Variants in YIPF6 observed in about 807,000 individuals in gnomAD.
The protein encoded by YIPF6 is protein YIPF6.
A neutral mutation model predicts 16.8 loss-of-function variants in YIPF6; 3 were observed. That is an observed-to-expected ratio of 0.18 (90% CI 0.08 to 0.46). YIPF6 has a LOEUF of 0.46. Among genes scored for constraint, YIPF6 ranks in the 20% least tolerant of loss-of-function variants. The probability of loss-of-function intolerance (pLI) is 0.98; values close to 1 mark genes in which losing one functional copy is unlikely to be tolerated. For missense variants in YIPF6, 145 were observed against 184.9 expected (o/e 0.78, Z 1.25); for synonymous variants, 67 against 61.9 (o/e 1.08, Z -0.38).
At chrX:68,501,652 C>T (rs909930608) in intron 1 of YIPF6, among the ~76,000 whole-genome samples, 11 of 111,560 alleles carry the variant, frequency 9.9e-5, no homozygotes, top group Admixed American at 2.9e-4. Context: ...TATATAGAAG[C>T]GCAGACTTAT....
intron 3 of YIPF6, among the ~76,000 whole-genome samples, 154 bp from the exon 4 acceptor site, chrX:68,518,616 G>C (rs920731231): frequency 9.0e-6 from 1 of 111,634 alleles, no homozygotes; most frequent in African/African-American, 3.3e-5. Flanking sequence ...TTCAGGATTA[G>C]GGGACAGGGA....
At chrX:68,504,977 G>A (rs2079054256) in intron 1 of YIPF6, among the ~76,000 whole-genome samples, 1 of 111,981 alleles carries the variant, frequency 8.9e-6, no homozygotes, top group African/African-American at 3.2e-5. Flanking sequence ...ATCCCTGTTT[G>A]ACTTTAAAGC....
intron 4 of YIPF6, among the ~76,000 whole-genome samples, chrX:68,520,061 T>C (rs756756230): frequency 1.8e-5 from 2 of 112,192 alleles, no homozygotes; most frequent in Admixed American, 9.5e-5. Flanking sequence ...TAATATTCTT[T>C]CCATCATACC....
At chrX:68,512,888 T>A (rs934125074) in intron 2 of YIPF6, among the ~76,000 whole-genome samples, 1 of 109,507 alleles carries the variant, frequency 9.1e-6, no homozygotes, top group Non-Finnish European at 1.9e-5. Flanking sequence ...AAATTGGGAA[T>A]GTTAAAAATT....
chrX:68,530,964 C>T lies in YIPF6; in HGVS notation c.593-917C>T, dbSNP rs186281777. ...TTTTCTTTAAAGAGATGGGGTTTCACTCTGTCATTCAGTCTGGAGTGGAAT... is the reference window on the plus strand; with the variant it reads ...TTTTCTTTAAAGAGATGGGGTTTCATTCTGTCATTCAGTCTGGAGTGGAAT... On this transcript the variant is annotated intron_variant, in intron 6 of 6. Transcript: ENST00000462683. 1.6e-4 allele frequency among the ~76,000 whole-genome samples: 18 copies of T among 111,397 alleles called. No individual in the cohort carries two copies. The East Asian group carries it at 5.1e-3, about 32-fold the overall frequency.
At chrX:68,518,427 G>T (rs2079112753) in intron 3 of YIPF6, among the ~76,000 whole-genome samples, 1 of 111,833 alleles carries the variant, frequency 8.9e-6, no homozygotes. Context: ...CTGGTAAAGT[G>T]CCTTGGCTAT....
chrX:68,532,606 A>AG lies in YIPF6; in HGVS notation c.*607_*608insG, dbSNP rs986360355. ...GAAATTCTACACTTGTTGCAAAAAA[A>AG]AAAAAAAAAAAAGCAAAGGGCCTCT... On this transcript the variant is annotated 3_prime_UTR_variant, in exon 7 of 7. Coordinates refer to ENST00000462683, the MANE Select transcript of YIPF6 (RefSeq NM_173834.4). 2.1e-4 allele frequency: 23 copies of AG among 109,724 alleles called. No individual in the cohort carries two copies. Among genetic ancestry groups the AG allele is most frequent in the African/African-American group, 7.3e-4 (22 of 30,280 alleles). 9.0% of individuals were successfully genotyped at this position (109,724 alleles called of 1,213,427 possible). A position where few individuals can be genotyped will look rare whatever the true frequency, so the allele number is the denominator to read the frequency against.
intron 4 of YIPF6, among the ~76,000 whole-genome samples, chrX:68,519,787 T>C (rs1218191911): frequency 8.9e-6 from 1 of 112,047 alleles, no homozygotes; most frequent in African/African-American, 3.2e-5. Context: ...ATTGAGCATA[T>C]ATTAATTTAG....
chrX:68,523,354 A>G (rs1332673790), intron 6 of YIPF6, among the ~76,000 whole-genome samples: 2 of 112,069 alleles, frequency 1.8e-5, no homozygotes, highest in African/African-American at 6.5e-5. Flanking sequence ...AGCAACTCTA[A>G]TAGAGAAATA....
chrX:68,509,836 C>T (rs2079073426), intron 1 of YIPF6, among the ~76,000 whole-genome samples: 1 of 111,795 alleles, frequency 8.9e-6, no homozygotes, highest in Non-Finnish European at 1.9e-5. Context: ...GCTCTTTCCT[C>T]TAGGGGCTTT....
rs188279318 is a variant in YIPF6, at chrX:68,534,163, A to G, written c.*2164A>G. The stretch of plus-strand genomic sequence containing the variant: ...GAGAATACTCGCCAGTGGCGCTTGC[A>G]GTTGTAGCATTTACCCCAAGATAAC... On this transcript the variant is annotated 3_prime_UTR_variant, in exon 7 of 7. Transcript: ENST00000462683. 8.9e-6 allele frequency: 1 copy of G among 111,949 alleles called. No homozygotes were observed. The highest frequency in any genetic ancestry group is 1.9e-5 in the Non-Finnish European group (1 of 53,130). 9.2% of individuals were successfully genotyped at this position (111,949 alleles called of 1,213,427 possible).
chrX:68,516,657 A>G (rs2079104056), intron 3 of YIPF6, among the ~76,000 whole-genome samples: 1 of 112,218 alleles, frequency 8.9e-6, no homozygotes, highest in South Asian at 3.7e-4. Flanking sequence ...AATATTAAGT[A>G]TATAAATTTG....
intron 3 of YIPF6, chrX:68,514,934 G>A (rs2079095575): frequency 9.0e-6 from 1 of 111,521 alleles, no homozygotes; most frequent in Non-Finnish European, 1.9e-5. Context: ...CAGTCCTTCT[G>A]CCAGTCTCCT....
At position 68,522,784 on chromosome X, in the gene YIPF6, G is replaced by T. The variant is rs2147824654; in HGVS notation, c.459G>T (p.Val153=). ...GATCTTTTTTTCAGAGCCTCTGTGT[G>T]CTGGGTTACTGTATACTTCCCTTGA... ...GNISFFQSLC[V]LGYCILPLTV... Residue 153 remains valine, a synonymous_variant, in exon 6 of 7, where the codon GTG becomes GTT. Coordinates refer to ENST00000462683, the MANE Select transcript of YIPF6 (RefSeq NM_173834.4). The T allele has an allele frequency of 8.3e-7, 1 of 1,205,944 alleles. No homozygotes were observed. Among genetic ancestry groups the T allele is most frequent in the East Asian group, 3.0e-5 (1 of 33,706 alleles).
In YIPF6 at chrX:68,499,083, A is replaced by C. The variant is rs1555995755; in HGVS notation, c.17A>C (p.Glu6Ala). 1.7e-6 allele frequency: 2 copies of C among 1,188,207 alleles called. No homozygotes were observed. Among genetic ancestry groups the C allele is most frequent in the South Asian group, 1.9e-5 (1 of 54,014 alleles). ...AGGGCCAAGATGGCGGAAGCGGAGGAGTCTCCAGGAGACCCGGGGACAGCA... is the reference window on the plus strand; with the variant it reads ...AGGGCCAAGATGGCGGAAGCGGAGGCGTCTCCAGGAGACCCGGGGACAGCA... The part of the protein sequence containing the change: MAEAE[E>A]SPGDPGTASP... Residue 6 changes from glutamate (E) to alanine (A), a missense_variant, in exon 1 of 7, where the codon GAG becomes GCG. Coordinates refer to ENST00000462683, the MANE Select transcript of YIPF6 (RefSeq NM_173834.4).
intron 6 of YIPF6, among the ~76,000 whole-genome samples, chrX:68,526,138 G>A (rs922872344): frequency 9.0e-6 from 1 of 111,650 alleles, no homozygotes; most frequent in Non-Finnish European, 1.9e-5. Flanking sequence ...TTTTCCATTT[G>A]TTTGTGTTCT....
chrX:68,522,827 T>G lies in YIPF6; in HGVS notation c.502T>G (p.Cys168Gly). Residue 168 changes from cysteine to glycine, a missense_variant, in exon 6 of 7, where the codon TGC (cysteine) becomes GGC (glycine). Cys to Gly is a radical substitution (Grantham distance 159). Coordinates refer to ENST00000462683, the MANE Select transcript of YIPF6 (RefSeq NM_173834.4). ...ILPLTVAMLI[C>G]RLVLLADPGP... ...TCCCTTGACAGTAGCAATGCTGATT[T>G]GCCGGCTGGTACTTTTGGCTGATCC... 1 of 1,211,646 alleles carries G rather than the reference T, an allele frequency of 8.3e-7. No individual in the cohort carries two copies. Among genetic ancestry groups the G allele is most frequent in the Non-Finnish European group, 1.1e-6 (1 of 895,513 alleles).
intron 3 of YIPF6, chrX:68,514,878 A>G (rs2079095373): frequency 8.9e-6 from 1 of 112,650 alleles, no homozygotes; most frequent in South Asian, 3.6e-4. Flanking sequence ...CTCAAATGCA[A>G]TGGCGTAATC....
chrX:68,529,520 C>T (rs1168825949), intron 6 of YIPF6, among the ~76,000 whole-genome samples: 2 of 110,671 alleles, frequency 1.8e-5, no homozygotes, highest in African/African-American at 6.6e-5. Flanking sequence ...CCCTTGCTGG[C>T]AAGGAGTTGT....
Sources: allele counts gnomAD v4.1 joint callset (sites outside exome capture counted in the v4.1 genomes callset), GRCh38; gene constraint gnomAD v4.1.1; transcripts MANE v1.5; gene names NCBI Gene and HGNC (gene_info 2026-07-23, HGNC 2026-07-21).